Variants in ITIH4 observed in about 807,000 individuals in gnomAD.
ITIH4 encodes the protein inter-alpha-trypsin inhibitor heavy chain 4, also known as inter-alpha-trypsin inhibitor heavy chain H4.
In ITIH4, 79 loss-of-function variants were observed where a neutral mutation model predicts 111.8. That is an observed-to-expected ratio of 0.71 (90% CI 0.59 to 0.85). The LOEUF (loss-of-function observed/expected upper bound fraction) is 0.85, where lower values mean the gene tolerates loss of function less well. Ranked by LOEUF, ITIH4 falls within the 40% of genes least tolerant of loss-of-function variation. The probability of loss-of-function intolerance (pLI) is 0.00; values close to 1 mark genes in which losing one functional copy is unlikely to be tolerated. For missense variants in ITIH4, 1,065 were observed against 1,195.8 expected (o/e 0.89, Z 1.61); for synonymous variants, 472 against 468.3 (o/e 1.01, Z -0.10).
chr3:52,826,744 GCAAGGGT>G, intron 4 of ITIH4, 40 bp downstream of exon 4: 1 of 1,613,234 alleles, frequency 6.2e-7, no homozygotes, highest in Non-Finnish European at 8.5e-7. Context: ...CCTCAGCAGG[GCAAGGGT>G]CATGCAGGAG....
chr3:52,823,960 C>T lies in ITIH4; in HGVS notation c.1216G>A (p.Val406Ile), dbSNP rs1229110210. The change falls in exon 10 of 24, where the codon GTA becomes ATA. Residue 406 changes from valine to isoleucine, a missense_variant. Transcript: ENST00000266041. ...RSIQNNVREA[V>I]SGRYSLFCLG... is the part of the protein sequence containing the mutation. ...CAGAAGAGGCTGTACCGGCCACTTA[C>T]AGCTTCCCGCACGTTATTCTGGATG... 6.3e-6 allele frequency: 10 copies of T among 1,591,552 alleles called. No individual in the cohort carries two copies. Among genetic ancestry groups the T allele is most frequent in the Admixed American group, 1.7e-5 (1 of 57,408 alleles).
intron 2 of ITIH4, 123 bp downstream of exon 2, chr3:52,828,996 G>A: frequency 1.2e-6 from 1 of 852,982 alleles, no homozygotes. Flanking sequence ...CAGGTGCAGG[G>A]TGTACTCCTG....
rs1202469181 is a variant in ITIH4 at position 52,823,962 on chromosome 3, G to A, written c.1214C>T (p.Ala405Val). Residue 405 changes from alanine (A) to valine (V), a missense_variant, in exon 10 of 24, where the codon GCT (alanine) becomes GTT (valine). By Grantham distance (64) the Ala-to-Val change is moderately conservative. Coordinates refer to ENST00000266041, the MANE Select transcript of ITIH4 (RefSeq NM_002218.5). ...PRSIQNNVRE[A>V]VSGRYSLFCL... ...GAAGAGGCTGTACCGGCCACTTACA[G>A]CTTCCCGCACGTTATTCTGGATGCT... 9 of 1,591,704 alleles carry A rather than the reference G, an allele frequency of 5.7e-6. No individual in the cohort carries two copies. Among genetic ancestry groups the A allele is most frequent in the South Asian group, 2.3e-5 (2 of 86,220 alleles).
rs1328841842 is a variant in ITIH4 at position 52,829,254 on chromosome 3, G to A, written c.116C>T (p.Thr39Ile). Residue 39 changes from threonine to isoleucine, a missense_variant, in exon 2 of 24, where the codon ACC (threonine) becomes ATC (isoleucine). By Grantham distance (89) the Thr-to-Ile change is moderately conservative. Transcript: ENST00000266041. ...TCGGGATGAGACCCTGGAGTCCACG[G>A]TGAGGCTGTAGATGTCGATGCCATT... ...EKNGIDIYSL[T>I]VDSRVSSRFA... The A allele has an allele frequency of 5.6e-6, 9 of 1,612,410 alleles. No homozygotes were observed. The highest frequency in any genetic ancestry group is 1.6e-4 in the Middle Eastern group (1 of 6,080).
At chr3:52,828,859 A>G (rs1700523910) in intron 2 of ITIH4, among the ~76,000 whole-genome samples, 1 of 152,204 alleles carries the variant, frequency 6.6e-6, no homozygotes, top group Non-Finnish European at 1.5e-5. Flanking sequence ...GCAAAGTCAC[A>G]AAGATTCTGT....
At chr3:52,814,954 ACT>A (rs1170029541) in intron 21 of ITIH4, among the ~76,000 whole-genome samples, 2 of 151,844 alleles carry the variant, frequency 1.3e-5, no homozygotes, top group African/African-American at 4.8e-5. Flanking sequence ...TGATGCATCC[ACT>A]CTGTCCCTTT....
chr3:52,819,631 C>T, intron 16 of ITIH4, 113 bp from the exon 17 acceptor site: 1 of 1,580,366 alleles, frequency 6.3e-7, no homozygotes, highest in Admixed American at 1.7e-5. Flanking sequence ...TGTCCCCTCT[C>T]CCCACACCCG....
intron 2 of ITIH4, among the ~76,000 whole-genome samples, chr3:52,827,912 G>C (rs1224851348): frequency 3.3e-5 from 5 of 152,234 alleles, no homozygotes; most frequent in African/African-American, 4.8e-5. Context: ...GGTGTGTAGG[G>C]ATGTGCCTGG....
At chr3:52,819,569 T>C in intron 16 of ITIH4, 51 bp from the exon 17 acceptor site, 4 of 1,611,712 alleles carry the variant, frequency 2.5e-6, no homozygotes, top group Non-Finnish European at 3.4e-6. Flanking sequence ...GTGTGGGTCT[T>C]CACAGCCAGG....
At chr3:52,820,082 G>T in intron 14 of ITIH4, 92 bp from the exon 15 acceptor site, 2 of 1,416,310 alleles carry the variant, frequency 1.4e-6, no homozygotes, top group East Asian at 2.3e-5. Flanking sequence ...CTGGGGACAG[G>T]GCCTGAGGCA....
Position 52,823,999 on chromosome 3 carries a change from T to G in ITIH4, c.1177A>C (p.Thr393Pro). The change falls in exon 10 of 24, where the codon ACT becomes CCT. Residue 393 changes from threonine (T) to proline (P), a missense_variant. Transcript: ENST00000266041. ...LTDGDPTVGE[T>P]NPRSIQNNVR... ...TTATTCTGGATGCTCCTGGGGTTAGTCTCCCCTGGACCCAGGGGTTTGGGA... is the reference window on the plus strand; with the variant it reads ...TTATTCTGGATGCTCCTGGGGTTAGGCTCCCCTGGACCCAGGGGTTTGGGA... The G allele has an allele frequency of 6.4e-7, 1 of 1,565,698 alleles. No individual in the cohort carries two copies. Among genetic ancestry groups the G allele is most frequent in the Non-Finnish European group, 8.6e-7 (1 of 1,157,108 alleles).
rs267599899 is a variant in ITIH4, at chr3:52,825,970, G to A, written c.675C>T (p.Ser225=). ...CCAGGACTGTTTCTTGCTGCTCTGG[G>A]GACTTTTGCTGCTGGGAAAGTGTTG... is the stretch of plus-strand genomic sequence containing the variant. ...FKPTLSQQQK[S]PEQQETVLDG... The change falls in exon 6 of 24, where the codon TCC becomes TCT. Residue 225 remains serine, a synonymous_variant. Transcript: ENST00000266041. 1.2e-6 allele frequency: 2 copies of A among 1,614,172 alleles called. No homozygotes were observed. The highest frequency in any genetic ancestry group is 1.7e-6 in the Non-Finnish European group (2 of 1,180,022).
At chr3:52,830,426 AT>A (rs771773909) in intron 1 of ITIH4, 126 bp downstream of exon 1, 16 of 924,256 alleles carry the variant, frequency 1.7e-5, no homozygotes, top group Non-Finnish European at 2.0e-5. Context: ...GGTCTGCACC[AT>A]TTTTTTGCAC....
chr3:52,821,237 A>C, intron 11 of ITIH4, 107 bp from the exon 12 acceptor site: 1 of 1,330,528 alleles, frequency 7.5e-7, no homozygotes, highest in Non-Finnish European at 1.0e-6. Flanking sequence ...GGTCCCACAC[A>C]CTGACTGTGG....
chr3:52,830,664 G>A lies in ITIH4; in HGVS notation c.-22C>T. 1 of 1,585,960 alleles carries A rather than the reference G, an allele frequency of 6.3e-7. No homozygotes were observed. The highest frequency in any genetic ancestry group is 8.6e-7 in the Non-Finnish European group (1 of 1,162,294). On this transcript the variant is annotated 5_prime_UTR_variant, in exon 1 of 24. Coordinates refer to ENST00000266041, the MANE Select transcript of ITIH4 (RefSeq NM_002218.5). The stretch of plus-strand genomic sequence containing the variant: ...TCATCGTGGCTCCAGTGTCTGCCAG[G>A]AGGCTTCTGAACTCGACAGCAAGTG...
At chr3:52,827,692 T>A (rs866915873) in intron 2 of ITIH4, among the ~76,000 whole-genome samples, 1 of 152,036 alleles carries the variant, frequency 6.6e-6, no homozygotes. Context: ...CTGAGCACTT[T>A]CCCCCTACAG....
In ITIH4 at chr3:52,821,061, T is replaced by G. The variant is rs773053917; in HGVS notation, c.1609A>C (p.Lys537Gln). ...TCCATGAAGTTGTGGAAGATATACT[T>G]GGGGCTCTGGAACTCCGCCTCCTGC... The part of the protein sequence containing the change: ...AEQEAEFQSP[K>Q]YIFHNFMERL... Residue 537 changes from lysine (K) to glutamine (Q), a missense_variant, in exon 12 of 24, where the codon AAG becomes CAG. Lys to Gln is a moderately conservative substitution (Grantham distance 53). Coordinates refer to ENST00000266041, the MANE Select transcript of ITIH4 (RefSeq NM_002218.5). 3.1e-6 allele frequency: 5 copies of G among 1,613,900 alleles called. No homozygotes were observed. In the Admixed American group the frequency reaches 8.3e-5, roughly 27 times the overall value.
chr3:52,820,465 C>G, intron 13 of ITIH4, 148 bp from the exon 14 acceptor site: 1 of 1,162,630 alleles, frequency 8.6e-7, no homozygotes, highest in Non-Finnish European at 1.2e-6. Flanking sequence ...TTTGGGGAGA[C>G]AGGAGACCCG....
Position 52,823,941 on chromosome 3 carries a change from A to G in ITIH4, c.1235T>C (p.Leu412Pro). The G allele has an allele frequency of 6.2e-7, 1 of 1,603,590 alleles. No individual in the cohort carries two copies. Among genetic ancestry groups the G allele is most frequent in the Non-Finnish European group, 8.5e-7 (1 of 1,175,402 alleles). ...GTCGAAACCGAAGCCCAGGCAGAAGAGGCTGTACCGGCCACTTACAGCTTC... is the reference window on the plus strand; with the variant it reads ...GTCGAAACCGAAGCCCAGGCAGAAGGGGCTGTACCGGCCACTTACAGCTTC... ...VREAVSGRYS[L>P]FCLGFGFDVS... Residue 412 changes from leucine to proline, a missense_variant, in exon 10 of 24, where the codon CTC becomes CCC. Physicochemically the swap from Leu to Pro is moderately conservative, Grantham distance 98. Coordinates refer to ENST00000266041, the MANE Select transcript of ITIH4 (RefSeq NM_002218.5).
Sources: gnomAD v4.1 joint callset for allele counts (sites outside exome capture counted in the v4.1 genomes callset) on GRCh38, gnomAD v4.1.1 for gene constraint, MANE v1.5 for transcripts, NCBI Gene and HGNC (gene_info 2026-07-23, HGNC 2026-07-21) for gene names.